Variants in DPP6 observed in about 807,000 individuals in gnomAD.
DPP6 encodes dipeptidyl peptidase like 6, also known as A-type potassium channel modulatory protein DPP6.
Under a neutral mutation model 122.6 loss-of-function variants are expected in DPP6, and 69 were observed. The ratio of observed to expected loss-of-function variants is 0.56; its 90% confidence interval spans 0.46 to 0.69. The LOEUF (loss-of-function observed/expected upper bound fraction) is 0.69, where lower values mean the gene tolerates loss of function less well. DPP6 is among the 30% of genes least tolerant of loss of function. The pLI, the probability that DPP6 is intolerant of heterozygous loss-of-function variation, is 0.00. For synonymous variants in DPP6, 418 were observed against 433.1 expected, an observed-to-expected ratio of 0.97 and a Z score of 0.43; for missense variants, 928 against 1,116.9, an observed-to-expected ratio of 0.83 and a Z score of 2.41.
chr7:154,841,269 C>G (rs1009155835), intron 16 of DPP6, among the ~76,000 whole-genome samples: 1 of 152,030 alleles, frequency 6.6e-6, no homozygotes, highest in Non-Finnish European at 1.5e-5. Flanking sequence ...GGGCGCTGTA[C>G]CTTTCCCCTG....
At position 154,324,872 on chromosome 7, in the gene DPP6, T is replaced by TTTG. The variant is rs1808301077; in HGVS notation, c.244-121340_244-121339insGTT. On this transcript the variant is annotated intron_variant, in intron 1 of 25. Coordinates refer to ENST00000377770, the MANE Select transcript of DPP6 (RefSeq NM_130797.4). ...CTTTCTTCTTTCCTTTTGTTATTTTTTTTTTTTTTTTGAGTCTTGCTCTGT... is the reference window on the plus strand; with the variant it reads ...CTTTCTTCTTTCCTTTTGTTATTTTTTTGTTTTTTTTTTTGAGTCTTGCTCTGT... Among the ~76,000 whole-genome samples the TTTG allele has an allele frequency of 6.3e-5, 9 of 143,856 alleles. No homozygotes were observed. The East Asian group carries it at 1.8e-3, about 29-fold the overall frequency. 94.4% of individuals were successfully genotyped at this position (143,856 alleles called of 152,430 possible). A position where few individuals can be genotyped will look rare whatever the true frequency, so the allele number is the denominator to read the frequency against.
rs1795451250 is a variant in DPP6, at chr7:154,760,276, G to A, written c.884-9141G>A. Reference sequence around the variant, plus strand: ...GGTGATTGGTGGAAGGAACGGGGAGGTTTGGAAAGTCCTTCAGCACACACA... The same window carrying A: ...GGTGATTGGTGGAAGGAACGGGGAGATTTGGAAAGTCCTTCAGCACACACA... On this transcript the variant is annotated intron_variant, in intron 8 of 25. Coordinates refer to ENST00000377770, the MANE Select transcript of DPP6 (RefSeq NM_130797.4). The surrounding 1 kb of genome is among the most constrained non-coding windows in gnomAD (Gnocchi z 4.5). 6.6e-6 allele frequency among the ~76,000 whole-genome samples: 1 copy of A among 152,134 alleles called. No individual in the cohort carries two copies. The highest frequency in any genetic ancestry group is 1.5e-5 in the Non-Finnish European group (1 of 68,026).
intron 22 of DPP6, 93 bp downstream of exon 22, chr7:154,885,837 C>A (rs1806107860): frequency 1.3e-6 from 2 of 1,501,302 alleles, no homozygotes; most frequent in African/African-American, 1.4e-5. Context: ...TTCAGCACCA[C>A]CGTCCCGCTA....
chr7:154,628,098 A>T (rs956761126), intron 5 of DPP6, among the ~76,000 whole-genome samples: 1 of 152,158 alleles, frequency 6.6e-6, no homozygotes, highest in Admixed American at 6.5e-5. Flanking sequence ...AAGGAATGTT[A>T]GTGGTTGCTG....
chr7:153,964,653 C>T lies in DPP6; in HGVS notation c.51+76919C>T, dbSNP rs370581626. Among the ~76,000 whole-genome samples, 46 of 152,224 alleles carry T rather than the reference C, an allele frequency of 3.0e-4. No homozygotes were observed. The East Asian group carries it at 3.5e-3, about 12-fold the overall frequency. On this transcript the variant is annotated intron_variant, in intron 1 of 25. Transcript: ENST00000404039. ...AACAGTAGGCTGGTTGGGCCACCGG[C>T]GCCAACATCCTGTGGTGATTTCTTC...
At position 154,384,296 on chromosome 7, in the gene DPP6, A is replaced by G. The variant is rs527258283; in HGVS notation, c.244-61918A>G. On this transcript the variant is annotated intron_variant, in intron 1 of 25. Coordinates refer to ENST00000377770, the MANE Select transcript of DPP6 (RefSeq NM_130797.4). Reference sequence around the variant, plus strand: ...GCGGTGTAAAGACCTGAATCAGGAAAGGACAAGTCAAGGCATTGTGGCATC... The same window carrying G: ...GCGGTGTAAAGACCTGAATCAGGAAGGGACAAGTCAAGGCATTGTGGCATC... 4.6e-5 allele frequency among the ~76,000 whole-genome samples: 7 copies of G among 152,308 alleles called. No homozygotes were observed. In the South Asian group the frequency reaches 1.2e-3, roughly 27 times the overall value.
intron 16 of DPP6, among the ~76,000 whole-genome samples, chr7:154,813,409 C>G (rs1373792460): frequency 6.6e-6 from 1 of 151,998 alleles, no homozygotes; most frequent in African/African-American, 2.4e-5. Flanking sequence ...ATTGTACATA[C>G]AAACCCATAA....
At chr7:154,708,139 T>C (rs771095617) in intron 7 of DPP6, among the ~76,000 whole-genome samples, 12 of 152,226 alleles carry the variant, frequency 7.9e-5, no homozygotes, top group Non-Finnish European at 1.5e-4. Context: ...ACTCTGAGAA[T>C]GACTCCTGGC....
intron 16 of DPP6, among the ~76,000 whole-genome samples, chr7:154,815,800 A>G (rs980754035): frequency 2.6e-5 from 4 of 152,194 alleles, no homozygotes; most frequent in Non-Finnish European, 5.9e-5. Flanking sequence ...GTGTTGAGCC[A>G]TGATTAGGGA....
chr7:154,311,921 C>A (rs1354546021), intron 1 of DPP6, among the ~76,000 whole-genome samples: 1 of 152,222 alleles, frequency 6.6e-6, no homozygotes, highest in Non-Finnish European at 1.5e-5. Context: ...TCATGCAGTA[C>A]TTTCCTGAGA....
upstream of DPP6, among the ~76,000 whole-genome samples, chr7:154,051,702 C>T (rs1325524962): frequency 2.0e-5 from 3 of 151,170 alleles, no homozygotes; most frequent in Non-Finnish European, 4.4e-5. Flanking sequence ...AATGGAGTCG[C>T]GGTCACAGCC....
At chr7:154,378,647 A>G (rs1436954962) in intron 1 of DPP6, among the ~76,000 whole-genome samples, 1 of 152,186 alleles carries the variant, frequency 6.6e-6, no homozygotes, top group African/African-American at 2.4e-5. Context: ...CTCATTCATG[A>G]AGCCTCTACC....
intron 1 of DPP6, among the ~76,000 whole-genome samples, chr7:154,435,222 G>C (rs1818758902): frequency 6.6e-6 from 1 of 152,038 alleles, no homozygotes; most frequent in Non-Finnish European, 1.5e-5. Flanking sequence ...AAGAGCAACA[G>C]GGACAGAGAG....
intron 8 of DPP6, among the ~76,000 whole-genome samples, chr7:154,756,382 G>T (rs1291667726): frequency 1.3e-5 from 2 of 151,836 alleles, no homozygotes; most frequent in East Asian, 3.9e-4. Context: ...CAGCCCCATG[G>T]TCATAATCAA....
At chr7:154,816,891 T>C (rs982307728) in intron 16 of DPP6, among the ~76,000 whole-genome samples, 2 of 152,154 alleles carry the variant, frequency 1.3e-5, no homozygotes, top group South Asian at 4.1e-4. Flanking sequence ...CTGTCAGGCA[T>C]GGCAATGAGT....
the DPP6 span, among the ~76,000 whole-genome samples, chr7:153,761,893 C>T: frequency 1.3e-5 from 2 of 152,074 alleles, no homozygotes; most frequent in African/African-American, 4.8e-5. Flanking sequence ...CAGAAAACAA[C>T]AGAATAAAAT....
At chr7:154,510,936 G>GCACA (rs3056506) in intron 3 of DPP6, among the ~76,000 whole-genome samples, 7 of 145,210 alleles carry the variant, frequency 4.8e-5, no homozygotes, top group East Asian at 4.2e-4. Flanking sequence ...ACACACACAT[G>GCACA]CACACACACA....
intron 1 of DPP6, among the ~76,000 whole-genome samples, chr7:154,243,936 T>C (rs1251444931): frequency 6.6e-6 from 1 of 151,492 alleles, no homozygotes; most frequent in African/African-American, 2.4e-5. Context: ...AGCATCCATG[T>C]GGTCAAAATA....
chr7:154,186,503 C>G (rs1285081032), intron 1 of DPP6, among the ~76,000 whole-genome samples: 1 of 152,232 alleles, frequency 6.6e-6, no homozygotes, highest in East Asian at 1.9e-4. Flanking sequence ...AAGGGAGGCC[C>G]CAGGGGCCCC....
Sources: allele counts gnomAD v4.1 joint callset (sites outside exome capture counted in the v4.1 genomes callset), GRCh38; gene constraint gnomAD v4.1.1; non-coding constraint Gnocchi (gnomAD v3.1); transcripts MANE v1.5; gene names NCBI Gene and HGNC (gene_info 2026-07-23, HGNC 2026-07-21).